DACT1: variants seen among roughly 807,000 people sequenced by gnomAD.
The protein encoded by DACT1 is dishevelled binding antagonist of beta catenin 1.
DACT1 carries 19 observed loss-of-function variants against 35.3 expected under a neutral mutation model. That is an observed-to-expected ratio of 0.54 (90% CI 0.38 to 0.79). The LOEUF is 0.79. Ranked by LOEUF, DACT1 falls within the 30% of genes least tolerant of loss-of-function variation. The pLI is 0.00. For missense variants in DACT1, 1,143 were observed against 1,057.5 expected, an observed-to-expected ratio of 1.08 and a Z score of -1.12; for synonymous variants, 545 against 466.7, an observed-to-expected ratio of 1.17 and a Z score of -2.16.
intron 1 of DACT1, chr14:58,639,352 A>C: frequency 5.0e-6 from 4 of 796,844 alleles, no homozygotes; most frequent in Non-Finnish European, 4.6e-6. Flanking sequence ...TTTGTAGCTT[A>C]ATGTATTGAT....
Position 58,646,484 on chromosome 14 carries a change from A to T in DACT1, c.1750A>T (p.Asn584Tyr), listed in dbSNP as rs895179697. Residue 584 changes from asparagine to tyrosine, a missense_variant, in exon 4 of 4, where the codon AAT (asparagine) becomes TAT (tyrosine). Asn to Tyr is a moderately radical substitution (Grantham distance 143, BLOSUM62 -2). Around this residue, in one of 3 missense-constraint regions of DACT1, gnomAD observed 1,054 missense variants for 958.8 expected, o/e 1.10. Transcript: ENST00000395153. ...TCGCTTCCCAGATGACTTGGATACA[A>T]ATAAGAAACTCAAGAAAGCCTCCTC... is the stretch of plus-strand genomic sequence containing the variant. ...KCRFPDDLDT[N>Y]KKLKKASSKG... 2.6e-6 allele frequency: 4 copies of T among 1,566,606 alleles called. No individual in the cohort carries two copies. The Admixed American group carries it at 8.3e-5, about 32-fold the overall frequency.
At chr14:58,636,123 A>C (rs371021247), upstream of DACT1, among the ~76,000 whole-genome samples, 11 of 152,342 alleles carry the variant, frequency 7.2e-5, no homozygotes, top group East Asian at 1.7e-3. Context: ...TTTTAGAGCT[A>C]ATATACAACC....
Position 58,647,616 on chromosome 14 carries a change from G to GT in DACT1, c.*489dup, listed in dbSNP as rs146356906. ...TGAGGGGCAGTCATTGTATTCTATA[G>GT]TTTTTTTATGTAGTCTACATTTCTC... On this transcript the variant is annotated 3_prime_UTR_variant, in exon 4 of 4. Coordinates refer to ENST00000395153, the MANE Select transcript of DACT1 (RefSeq NM_001079520.2). The GT allele has an allele frequency of 0.025, 4,257 of 173,746 alleles. 192 individuals are homozygous for GT. The highest frequency in any genetic ancestry group is 0.096 in the African/African-American group (3,981 of 41,544). 10.8% of individuals were successfully genotyped at this position (173,746 alleles called of 1,614,324 possible). A position where few individuals can be genotyped will look rare whatever the true frequency, so the allele number is the denominator to read the frequency against.
rs146064401 is a variant in DACT1, at chr14:58,647,633, A to G, written c.*499A>G. On this transcript the variant is annotated 3_prime_UTR_variant, in exon 4 of 4. Transcript: ENST00000395153. ...ATTCTATAGTTTTTTTATGTAGTCT[A>G]CATTTCTCAGATGTATCCCCATTCG... The G allele has an allele frequency of 8.3e-4, 143 of 171,534 alleles. No homozygotes were observed. Among genetic ancestry groups the G allele is most frequent in the African/African-American group, 3.2e-3 (132 of 41,560 alleles). The allele number at this position is 171,534 out of a possible 1,614,324, so 10.6% of individuals were successfully genotyped here. A position where few individuals can be genotyped will look rare whatever the true frequency, so the allele number is the denominator to read the frequency against.
In DACT1 at chr14:58,646,017, G is replaced by C. The variant is rs1566510115; in HGVS notation, c.1283G>C (p.Arg428Pro). The C allele has an allele frequency of 2.5e-6, 4 of 1,614,100 alleles. No individual in the cohort carries two copies. Among genetic ancestry groups the C allele is most frequent in the Non-Finnish European group, 3.4e-6 (4 of 1,180,038 alleles). Residue 428 changes from arginine to proline, a missense_variant, in exon 4 of 4, where the codon CGG (arginine) becomes CCG (proline). Around this residue, in one of 3 missense-constraint regions of DACT1, gnomAD observed 1,054 missense variants for 958.8 expected, o/e 1.10. Coordinates refer to ENST00000395153, the MANE Select transcript of DACT1 (RefSeq NM_001079520.2). ...AAGCCAGCCTCGCAAGAACATGCTCGGTGTTCCGCCATTGGGACAGGGGAG... is the reference window on the plus strand; with the variant it reads ...AAGCCAGCCTCGCAAGAACATGCTCCGTGTTCCGCCATTGGGACAGGGGAG... ...TAKPASQEHARCSAIGTGESP... is the reference protein window; with the variant it reads ...TAKPASQEHAPCSAIGTGESP...
Position 58,638,560 on chromosome 14 carries a change from C to A in DACT1, c.345+13C>A. 2.3e-6 allele frequency: 3 copies of A among 1,331,828 alleles called. No homozygotes were observed. In the South Asian group the frequency reaches 8.2e-5, roughly 36 times the overall value. 82.5% of individuals were successfully genotyped at this position (1,331,828 alleles called of 1,614,324 possible). A position where few individuals can be genotyped will look rare whatever the true frequency, so the allele number is the denominator to read the frequency against. ...AAGAAAGCAATTGGTAGGTCGTGCC[C>A]GAAGGTGGAGCACGGCTGTTCCTGC... On this transcript the variant is annotated intron_variant, in intron 1 of 3. Transcript: ENST00000395153.
In DACT1 at chr14:58,645,898, C is replaced by G. The variant is rs770682231; in HGVS notation, c.1164C>G (p.Ala388=). The change falls in exon 4 of 4, where the codon GCC becomes GCG. Residue 388 remains alanine (A), a synonymous_variant. Coordinates refer to ENST00000395153, the MANE Select transcript of DACT1 (RefSeq NM_001079520.2). ...PPKQWSKESK[A]EQAESKRVPL... is the part of the protein sequence containing the mutation. ...AGCAGTGGTCGAAAGAATCAAAGGCCGAACAAGCCGAAAGCAAGAGGGTGC... is the reference window on the plus strand; with the variant it reads ...AGCAGTGGTCGAAAGAATCAAAGGCGGAACAAGCCGAAAGCAAGAGGGTGC... The G allele has an allele frequency of 6.2e-7, 1 of 1,614,082 alleles. No individual in the cohort carries two copies. Among genetic ancestry groups the G allele is most frequent in the Non-Finnish European group, 8.5e-7 (1 of 1,180,040 alleles).
intron 2 of DACT1, 133 bp downstream of exon 2, chr14:58,641,001 T>G: frequency 1.0e-6 from 1 of 980,576 alleles, no homozygotes; most frequent in Non-Finnish European, 1.5e-6. Context: ...AAAAAAGAAG[T>G]CTGCCATTCA....
At chr14:58,641,544 C>G in intron 2 of DACT1, 48 bp from the exon 3 acceptor site, 2 of 1,555,508 alleles carry the variant, frequency 1.3e-6, no homozygotes, top group Non-Finnish European at 1.8e-6. Context: ...CGTGAATATG[C>G]ATTATTTCTT....
chr14:58,647,160 GT>G lies in DACT1; in HGVS notation c.*27del. The G allele has an allele frequency of 6.3e-7, 1 of 1,590,644 alleles. No homozygotes were observed. Among genetic ancestry groups the G allele is most frequent in the Non-Finnish European group, 8.5e-7 (1 of 1,173,896 alleles). ...GTGACATCATTGGTGTAGAAAGTTT[GT>G]GTGTTTTTTTTTCTTCTCCCTAGTT... On this transcript the variant is annotated 3_prime_UTR_variant, in exon 4 of 4. Transcript: ENST00000395153.
rs140661474 is a variant in DACT1, at chr14:58,644,346, A to G, written c.635-1023A>G. On this transcript the variant is annotated intron_variant, in intron 3 of 3. Transcript: ENST00000395153. ...ATTTATCCATTAATACTACCACTCA[A>G]TCTTTTAAAATCTTATCAAGAATTC... 5.0e-4 allele frequency among the ~76,000 whole-genome samples: 76 copies of G among 152,338 alleles called. 1 individual carries two copies. In the East Asian group the frequency reaches 9.4e-3, roughly 19 times the overall value.
intron 1 of DACT1, among the ~76,000 whole-genome samples, chr14:58,639,657 GCAAA>G (rs1338182580): frequency 6.6e-6 from 1 of 152,126 alleles, no homozygotes; most frequent in Non-Finnish European, 1.5e-5. Flanking sequence ...ATTAATTGTA[GCAAA>G]CAAACATACA....
In DACT1 at chr14:58,645,788, A is replaced by G. The variant is rs747687272; in HGVS notation, c.1054A>G (p.Ser352Gly). 28 of 1,614,258 alleles carry G rather than the reference A, an allele frequency of 1.7e-5. No homozygotes were observed. Among genetic ancestry groups the G allele is most frequent in the Non-Finnish European group, 2.3e-5 (27 of 1,180,052 alleles). ...CCCGGGCGGTGTCTCACAGGGCAACAGTGTGAACCTTAAGAATTCGAAACA... is the reference window on the plus strand; with the variant it reads ...CCCGGGCGGTGTCTCACAGGGCAACGGTGTGAACCTTAAGAATTCGAAACA... ...RAPGGVSQGN[S>G]VNLKNSKQAC... The change falls in exon 4 of 4, where the codon AGT becomes GGT. Residue 352 changes from serine to glycine, a missense_variant. By Grantham distance (56) the Ser-to-Gly change is moderately conservative (BLOSUM62 0). Around this residue, in one of 3 missense-constraint regions of DACT1, gnomAD observed 1,054 missense variants for 958.8 expected, o/e 1.10. Transcript: ENST00000395153.
rs756698643 is a variant in DACT1, at chr14:58,646,741, C to T, written c.2007C>T (p.Pro669=). The T allele has an allele frequency of 6.2e-7, 1 of 1,613,798 alleles. No homozygotes were observed. The highest frequency in any genetic ancestry group is 8.5e-7 in the Non-Finnish European group (1 of 1,180,008). ...RGRRENVGLY[P]APVPLPYASP... ...GCCGGGAGAATGTGGGGCTGTACCC[C>T]GCGCCTGTGCCTCTGCCCTACGCCA... The change falls in exon 4 of 4, where the codon CCC becomes CCT. Residue 669 remains proline (P), a synonymous_variant. Transcript: ENST00000395153.
Position 58,646,267 on chromosome 14 carries a change from C to A in DACT1, c.1533C>A (p.Ser511Arg), listed in dbSNP as rs759222774. The A allele has an allele frequency of 1.2e-6, 2 of 1,613,730 alleles. No homozygotes were observed. Among genetic ancestry groups the A allele is most frequent in the South Asian group, 2.2e-5 (2 of 91,006 alleles). The change falls in exon 4 of 4, where the codon AGC becomes AGA. Residue 511 changes from serine to arginine, a missense_variant. Ser to Arg is a moderately radical substitution (Grantham distance 110, BLOSUM62 -1). Coordinates refer to ENST00000395153, the MANE Select transcript of DACT1 (RefSeq NM_001079520.2). ...LDFKSEGSSQ[S>R]LEEAHLVKAQ... ...TCAAGAGCGAGGGCTCTTCCCAAAG[C>A]CTGGAGGAAGCGCACCTGGTCAAGG...
chr14:58,647,232 A>G lies in DACT1; in HGVS notation c.*98A>G. 7.2e-7 allele frequency: 1 copy of G among 1,380,806 alleles called. No homozygotes were observed. Among genetic ancestry groups the G allele is most frequent in the East Asian group, 2.3e-5 (1 of 43,384 alleles). The allele number at this position is 1,380,806 out of a possible 1,614,324, so 85.5% of individuals were successfully genotyped here. A position where few individuals can be genotyped will look rare whatever the true frequency, so the allele number is the denominator to read the frequency against. On this transcript the variant is annotated 3_prime_UTR_variant, in exon 4 of 4. Transcript: ENST00000395153. The stretch of plus-strand genomic sequence containing the variant: ...GTTTTCATTTTTGTATAATACTTTA[A>G]TGGAATGCTTTTTAAAAAAATATAA...
At position 58,638,281 on chromosome 14, in the gene DACT1, C is replaced by T. The variant is rs1274500259; in HGVS notation, c.79C>T (p.Pro27Ser). The change falls in exon 1 of 4, where the codon CCC (proline) becomes TCC (serine). Residue 27 changes from proline (P) to serine (S), a missense_variant. Physicochemically the swap from Pro to Ser is moderately conservative, Grantham distance 74. Transcript: ENST00000395153. Reference protein sequence around the residue: ...PARGEQRTAEPEGRWREKGEA... With the variant: ...PARGEQRTAESEGRWREKGEA... The stretch of plus-strand genomic sequence containing the variant: ...CCGAGGCGAGCAGCGCACGGCGGAG[C>T]CCGAGGGGCGCTGGCGGGAGAAGGG... 7.4e-6 allele frequency: 10 copies of T among 1,353,060 alleles called. No homozygotes were observed. Among genetic ancestry groups the T allele is most frequent in the Admixed American group, 3.6e-5 (1 of 27,466 alleles). The allele number at this position is 1,353,060 out of a possible 1,614,324, so 83.8% of individuals were successfully genotyped here.
rs1043695742 is a variant in DACT1, at chr14:58,647,968, C to T, written c.*834C>T. ...GTAACCCTTGGGCATGACTCCAATC[C>T]CAGAATTGCTCACTGAGCGCTATGC... On this transcript the variant is annotated 3_prime_UTR_variant, in exon 4 of 4. Coordinates refer to ENST00000395153, the MANE Select transcript of DACT1 (RefSeq NM_001079520.2). The T allele has an allele frequency of 6.0e-6, 1 of 167,060 alleles. No homozygotes were observed. The highest frequency in any genetic ancestry group is 6.5e-5 in the Admixed American group (1 of 15,282). 10.3% of individuals were successfully genotyped at this position (167,060 alleles called of 1,614,324 possible). A position where few individuals can be genotyped will look rare whatever the true frequency, so the allele number is the denominator to read the frequency against.
chr14:58,642,593 C>T (rs2047638311), intron 3 of DACT1, among the ~76,000 whole-genome samples: 1 of 151,642 alleles, frequency 6.6e-6, no homozygotes, highest in Non-Finnish European at 1.5e-5. Flanking sequence ...ACTTGAGAGG[C>T]TGAGGCAATA....
Sources: gnomAD v4.1 joint callset for allele counts (sites outside exome capture counted in the v4.1 genomes callset) on GRCh38, gnomAD v4.1.1 for gene constraint, gnomAD v4.1.1 regional missense constraint, MANE v1.5 for transcripts, NCBI Gene and HGNC (gene_info 2026-07-23, HGNC 2026-07-21) for gene names.